C16orf96: variants seen among roughly 807,000 people sequenced by gnomAD.
C16orf96 encodes uncharacterized protein C16orf96.
C16orf96 carries 108 observed loss-of-function variants against 103.6 expected under a neutral mutation model. The ratio of observed to expected loss-of-function variants is 1.04; its 90% confidence interval spans 0.89 to 1.22. The LOEUF is 1.22. Ranked by LOEUF, C16orf96 falls within the 50% of genes most tolerant of loss-of-function variation. C16orf96 has a pLI of 0.00. For missense variants in C16orf96, 1,586 were observed against 1,464.2 expected, an observed-to-expected ratio of 1.08 and a Z score of -1.36; for synonymous variants, 566 against 593.5, an observed-to-expected ratio of 0.95 and a Z score of 0.67.
chr16:4,544,531 C>A, the C16orf96 span, among the ~76,000 whole-genome samples: 1 of 152,144 alleles, frequency 6.6e-6, no homozygotes, highest in East Asian at 1.9e-4. Flanking sequence ...CGCTTAAGAC[C>A]GGGAGGCTGG....
chr16:4,548,562 G>A, the C16orf96 span, among the ~76,000 whole-genome samples: 6 of 152,140 alleles, frequency 3.9e-5, no homozygotes, highest in South Asian at 2.1e-4. Flanking sequence ...AAGAACTTTT[G>A]CGCCTAAAAG....
Position 4,576,143 on chromosome 16 carries a change from A to G in C16orf96, c.1663A>G (p.Lys555Glu), listed in dbSNP as rs762690256. ...TGGGGCCCCCAAGGAAGCACAGCCT[A>G]AGGCTCCCCAGTCTGCCCTTCACCG... ...KDGAPKEAQP[K>E]APQSALHRLK... The change falls in exon 5 of 16, where the codon AAG becomes GAG. Residue 555 changes from lysine (K) to glutamate (E), a missense_variant. Physicochemically the swap from Lys to Glu is moderately conservative, Grantham distance 56 (BLOSUM62 1). Coordinates refer to ENST00000444310, the MANE Select transcript of C16orf96 (RefSeq NM_001145011.2). The G allele has an allele frequency of 1.2e-5, 18 of 1,551,318 alleles. No individual in the cohort carries two copies. In the African/African-American group the frequency reaches 2.5e-4, roughly 21 times the overall value.
chr16:4,550,507 T>C, the C16orf96 span, among the ~76,000 whole-genome samples: 9 of 152,344 alleles, frequency 5.9e-5, no homozygotes, highest in East Asian at 1.5e-3. Context: ...AGCTAATGCA[T>C]TGTTGCCTTG....
At position 4,600,549 on chromosome 16, in the gene C16orf96, C is replaced by G; in HGVS notation, c.*232C>G. On this transcript the variant is annotated 3_prime_UTR_variant, in exon 16 of 16. Transcript: ENST00000444310. ...CGAGGCTGAGACCCATATGCCCCCC[C>G]CACCCCCACCAAGTCCCGTCCCCGG... 4.2e-6 allele frequency: 2 copies of G among 476,702 alleles called. No homozygotes were observed. The highest frequency in any genetic ancestry group is 2.1e-5 in the South Asian group (1 of 47,822). The allele number at this position is 476,702 out of a possible 1,614,324, so 29.5% of individuals were successfully genotyped here. A position where few individuals can be genotyped will look rare whatever the true frequency, so the allele number is the denominator to read the frequency against.
rs369166804 is a variant in C16orf96 at position 4,588,225 on chromosome 16, C to T, written c.2486C>T (p.Ala829Val). 8 of 1,551,678 alleles carry T rather than the reference C, an allele frequency of 5.2e-6. No homozygotes were observed. The highest frequency in any genetic ancestry group is 4.9e-5 in the East Asian group (2 of 40,920). ...KASRVDLETV[A>V]LELNEMIQGI... The stretch of plus-strand genomic sequence containing the variant: ...AGCCGCGTTGACCTGGAGACTGTGG[C>T]CTTGGAGCTGAACGAGATGATTCAG... Residue 829 changes from alanine (A) to valine (V), a missense_variant, in exon 9 of 16, where the codon GCC becomes GTC. Coordinates refer to ENST00000444310, the MANE Select transcript of C16orf96 (RefSeq NM_001145011.2).
At chr16:4,590,254 C>A (rs1234133176) in intron 9 of C16orf96, among the ~76,000 whole-genome samples, 1 of 151,734 alleles carries the variant, frequency 6.6e-6, no homozygotes, top group Non-Finnish European at 1.5e-5. Flanking sequence ...GAGACTCCAT[C>A]TCTACTTTAA....
chr16:4,575,013 G>T lies in C16orf96; in HGVS notation c.648G>T (p.Glu216Asp), dbSNP rs1472560083. ...AGTTTAAAACCATCCCCAAAACCGA[G>T]GACATGGTGCTCTGGAGTGGCCTTC... is the stretch of plus-strand genomic sequence containing the variant. The part of the protein sequence containing the change: ...QNKFKTIPKT[E>D]DMVLWSGLHD... Residue 216 changes from glutamate (E) to aspartate (D), a missense_variant, in exon 4 of 16, where the codon GAG (glutamate) becomes GAT (aspartate). Glu to Asp is a conservative substitution (Grantham distance 45). Coordinates refer to ENST00000444310, the MANE Select transcript of C16orf96 (RefSeq NM_001145011.2). The T allele has an allele frequency of 3.9e-5, 60 of 1,551,392 alleles. No individual in the cohort carries two copies. The highest frequency in any genetic ancestry group is 5.1e-5 in the Non-Finnish European group (59 of 1,147,020).
Position 4,580,035 on chromosome 16 carries a change from T to C in C16orf96, c.2262T>C (p.Ile754=). The change falls in exon 7 of 16, where the codon ATT becomes ATC. Residue 754 remains isoleucine (I), a synonymous_variant. Transcript: ENST00000444310. ...SRLKEEELER[I]WGNQIEMMKD... ...TTTAGGAGGAAGAACTTGAGAGAAT[T>C]TGGGGCAACCAAATAGAGATGATGA... The C allele has an allele frequency of 6.4e-7, 1 of 1,551,176 alleles. No individual in the cohort carries two copies. The highest frequency in any genetic ancestry group is 1.2e-5 in the South Asian group (1 of 84,044).
intron 2 of C16orf96, 148 bp from the exon 3 acceptor site, chr16:4,574,561 C>T (rs2059477539): frequency 1.5e-6 from 1 of 651,236 alleles, no homozygotes; most frequent in Non-Finnish European, 2.7e-6. Flanking sequence ...AACTTGTTTG[C>T]CCATGGAACC....
rs545981133 is a variant in C16orf96, at chr16:4,570,937, C to T, written c.421-624C>T. On this transcript the variant is annotated intron_variant, in intron 1 of 15. Coordinates refer to ENST00000444310, the MANE Select transcript of C16orf96 (RefSeq NM_001145011.2). ...GTGCTGTGGCACTTTGGGAGGATGA[C>T]GCGGGCAGATTGCTTGAGCTCAGGA... Among the ~76,000 whole-genome samples, 38 of 152,178 alleles carry T rather than the reference C, an allele frequency of 2.5e-4. 1 individual carries two copies. The South Asian group carries it at 6.0e-3, about 24-fold the overall frequency.
At chr16:4,546,118 G>A in the C16orf96 span, among the ~76,000 whole-genome samples, 1 of 151,508 alleles carries the variant, frequency 6.6e-6, no homozygotes, top group African/African-American at 2.4e-5. Flanking sequence ...AAAGTACGGG[G>A]ATTACAGGAA....
intron 15 of C16orf96, 140 bp from the exon 16 acceptor site, chr16:4,599,960 A>C: frequency 7.3e-6 from 6 of 816,990 alleles, no homozygotes; most frequent in Non-Finnish European, 1.1e-5. Context: ...CAGGTGAGGT[A>C]TGGTGCCCAG....
chr16:4,541,907 G>A, the C16orf96 span, among the ~76,000 whole-genome samples: 1 of 152,196 alleles, frequency 6.6e-6, no homozygotes, highest in Non-Finnish European at 1.5e-5. Context: ...AGGCTCACAG[G>A]AACCTAGGTT....
intron 9 of C16orf96, among the ~76,000 whole-genome samples, chr16:4,590,744 C>T (rs761557116): frequency 1.4e-5 from 2 of 145,350 alleles, no homozygotes; most frequent in African/African-American, 2.6e-5. Context: ...TTAGGCTGGG[C>T]GTGGTGGCTC....
At chr16:4,588,072 A>C in intron 8 of C16orf96, 95 bp from the exon 9 acceptor site, 1 of 1,311,670 alleles carries the variant, frequency 7.6e-7, no homozygotes, top group Non-Finnish European at 1.0e-6. Context: ...CAGAGTCCCA[A>C]ACTAGAAGCA....
At chr16:4,590,259 C>G (rs1185299443) in intron 9 of C16orf96, among the ~76,000 whole-genome samples, 1 of 151,754 alleles carries the variant, frequency 6.6e-6, no homozygotes. Context: ...TCCATCTCTA[C>G]TTTAAAAAAC....
chr16:4,555,870 A>G (rs756814445), upstream of C16orf96, among the ~76,000 whole-genome samples: 4 of 147,028 alleles, frequency 2.7e-5, no homozygotes, highest in Non-Finnish European at 6.0e-5. Flanking sequence ...CTAATTACAA[A>G]TTTTTTTTTG....
intron 1 of C16orf96, among the ~76,000 whole-genome samples, chr16:4,565,559 G>C (rs1260189196): frequency 1.3e-5 from 2 of 152,238 alleles, no homozygotes; most frequent in African/African-American, 4.8e-5. Context: ...CACAGTCTCA[G>C]CTCACTGCAA....
Position 4,593,392 on chromosome 16 carries a change from C to G in C16orf96, c.2867+76C>G. On this transcript the variant is annotated intron_variant, in intron 12 of 15. Transcript: ENST00000444310. This position sits in a 1 kb window ranked among gnomAD's most constrained non-coding sequence, Gnocchi z 4.2. ...CTGGAGCCTGGGAACCCTGTTCCTG[C>G]AGAGACACATCCTCCAGGCCCAGGG... is the stretch of plus-strand genomic sequence containing the variant. 1 of 1,340,380 alleles carries G rather than the reference C, an allele frequency of 7.5e-7. No homozygotes were observed. Among genetic ancestry groups the G allele is most frequent in the South Asian group, 1.3e-5 (1 of 79,166 alleles). 83.0% of individuals were successfully genotyped at this position (1,340,380 alleles called of 1,614,324 possible).
Sources: allele counts gnomAD v4.1 joint callset (sites outside exome capture counted in the v4.1 genomes callset), GRCh38; gene constraint gnomAD v4.1.1; non-coding constraint Gnocchi (gnomAD v3.1); transcripts MANE v1.5; gene names NCBI Gene and HGNC (gene_info 2026-07-23, HGNC 2026-07-21).